Variants in ADH1A observed in about 807,000 individuals in gnomAD.
The protein encoded by ADH1A is alcohol dehydrogenase 1A.
In ADH1A, 29 loss-of-function variants were observed where a neutral mutation model predicts 35.2. The observed-to-expected ratio is 0.82, with a 90% CI of 0.61 to 1.12. The LOEUF is 1.12. ADH1A is among the 50% of genes most tolerant of loss of function. ADH1A has a pLI of 0.00. For synonymous variants in ADH1A, 147 were observed against 164.8 expected (o/e 0.89, Z 0.83); for missense variants, 469 against 464.7 (o/e 1.01, Z -0.09).
At chr4:99,283,473 T>A (rs868229904) in intron 5 of ADH1A, among the ~76,000 whole-genome samples, 1 of 151,582 alleles carries the variant, frequency 6.6e-6, no homozygotes, top group Non-Finnish European at 1.5e-5. Context: ...TAAGGGTGTC[T>A]ATTCATTCAT....
chr4:99,282,514 G>A lies in ADH1A; in HGVS notation c.660C>T (p.Ile220=). The change falls in exon 6 of 9, where the codon ATC becomes ATT. Residue 220 remains isoleucine (I), a synonymous_variant. Coordinates refer to ENST00000209668, the MANE Select transcript of ADH1A (RefSeq NM_000667.4). The part of the protein sequence containing the change: ...MGCKAAGAAR[I]IAVDINKDKF... The stretch of plus-strand genomic sequence containing the variant: ...TGTCCTTGTTGATGTCCACCGCAAT[G>A]ATTCTGGCTGCCCCAGCTGCTTTAC... 3.1e-6 allele frequency: 5 copies of A among 1,614,176 alleles called. No individual in the cohort carries two copies. Among genetic ancestry groups the A allele is most frequent in the Non-Finnish European group, 4.2e-6 (5 of 1,180,046 alleles).
At chr4:99,277,308 C>T (rs887054380) in intron 8 of ADH1A, among the ~76,000 whole-genome samples, 5 of 151,870 alleles carry the variant, frequency 3.3e-5, no homozygotes, top group East Asian at 3.9e-4. Context: ...AGAATAAAGT[C>T]GATTTGTATT....
intron 1 of ADH1A, 121 bp downstream of exon 1, chr4:99,290,776 A>G: frequency 9.5e-7 from 1 of 1,051,202 alleles, no homozygotes; most frequent in Non-Finnish European, 1.5e-6. Context: ...ATTGCATATC[A>G]TATTTCAGTG....
rs116276567 is a variant in ADH1A at position 99,284,484 on chromosome 4, A to G, written c.482T>C (p.Ile161Thr). ...TVVDENAVAK[I>T]DAASPLEKVC... Reference sequence around the variant, plus strand: ...TTTCTCTAGAGGCGAGGCTGCATCAATTTTGGCTACTGCATTTTCATCCAC... The same window carrying G: ...TTTCTCTAGAGGCGAGGCTGCATCAGTTTTGGCTACTGCATTTTCATCCAC... The change falls in exon 5 of 9, where the codon ATT becomes ACT. Residue 161 changes from isoleucine (I) to threonine (T), a missense_variant. Physicochemically the swap from Ile to Thr is moderately conservative, Grantham distance 89. Transcript: ENST00000209668. 137 of 1,614,230 alleles carry G rather than the reference A, an allele frequency of 8.5e-5. No homozygotes were observed. Among genetic ancestry groups the G allele is most frequent in the African/African-American group, 5.2e-4 (39 of 75,062 alleles).
intron 1 of ADH1A, among the ~76,000 whole-genome samples, chr4:99,288,965 C>T (rs1457397583): frequency 6.6e-6 from 1 of 152,098 alleles, no homozygotes; most frequent in Admixed American, 6.6e-5. Flanking sequence ...TCCCTCACCT[C>T]CCCTTTCAAC....
chr4:99,285,658 G>T (rs28364305), intron 3 of ADH1A, among the ~76,000 whole-genome samples: 41,911 of 151,956 alleles, frequency 0.28, 7,128 homozygotes, highest in Non-Finnish European at 0.39. Context: ...ATTAGTAGGA[G>T]CTGAAACCCA....
At chr4:99,287,536 T>G in intron 2 of ADH1A, 28 bp downstream of exon 2, 3 of 1,594,256 alleles carry the variant, frequency 1.9e-6, no homozygotes, top group Non-Finnish European at 2.6e-6. Context: ...TTTTAAAACT[T>G]AAATACAAAT....
intron 1 of ADH1A, 26 bp from the exon 2 acceptor site, chr4:99,287,691 A>C: frequency 6.2e-7 from 1 of 1,611,746 alleles, no homozygotes; most frequent in Non-Finnish European, 8.5e-7. Flanking sequence ...GAGAGATGGC[A>C]CCAGTGTTCT....
At chr4:99,278,806 G>C (rs1453156819) in intron 8 of ADH1A, among the ~76,000 whole-genome samples, 1 of 152,056 alleles carries the variant, frequency 6.6e-6, no homozygotes, top group Non-Finnish European at 1.5e-5. Context: ...ACAGGAAATA[G>C]AATTGGCTTA....
chr4:99,283,965 A>T (rs560542598), intron 5 of ADH1A, among the ~76,000 whole-genome samples: 1 of 152,260 alleles, frequency 6.6e-6, no homozygotes, highest in African/African-American at 2.4e-5. Flanking sequence ...ACTGTTGTTG[A>T]TCCTAATTCT....
chr4:99,284,845 G>A, intron 3 of ADH1A, 42 bp from the exon 4 acceptor site: 1 of 1,544,742 alleles, frequency 6.5e-7, no homozygotes, highest in Admixed American at 1.7e-5. Context: ...TTTCTATCCA[G>A]GTATTAATAG....
intron 3 of ADH1A, among the ~76,000 whole-genome samples, chr4:99,285,945 C>G (rs1733140701): frequency 6.9e-6 from 1 of 145,724 alleles, no homozygotes; most frequent in Non-Finnish European, 1.5e-5. Context: ...TGGCGTGAAC[C>G]CGGGAGGTGG....
chr4:99,288,336 G>GGT (rs70955994), intron 1 of ADH1A, among the ~76,000 whole-genome samples: 46,771 of 149,660 alleles, frequency 0.31, 8,612 homozygotes, highest in Non-Finnish European at 0.43. Context: ...GTTAGAGTTG[G>GGT]GTGTGTGTGT....
chr4:99,281,257 T>C (rs1229977), intron 6 of ADH1A: 124,151 of 152,098 alleles, frequency 0.82, 51,013 homozygotes, highest in East Asian at 0.91. Flanking sequence ...TAGAAAATCT[T>C]GGCAATGGAA....
intron 8 of ADH1A, among the ~76,000 whole-genome samples, chr4:99,278,042 A>G (rs1732910709): frequency 6.6e-6 from 1 of 152,114 alleles, no homozygotes; most frequent in South Asian, 2.1e-4. Context: ...TCTTACCAAT[A>G]TTGAGTGTTA....
chr4:99,289,137 A>ATTATT (rs1733229344), intron 1 of ADH1A, among the ~76,000 whole-genome samples: 2 of 152,162 alleles, frequency 1.3e-5, no homozygotes, highest in South Asian at 2.1e-4. Context: ...TGCAAAGGCC[A>ATTATT]TTATTTTATT....
intron 1 of ADH1A, chr4:99,288,733 T>TAAAG (rs1224166528): frequency 6.6e-6 from 1 of 152,146 alleles, no homozygotes; most frequent in Non-Finnish European, 1.5e-5. Context: ...ATAGTAGGAG[T>TAAAG]TCCTGATTAT....
At chr4:99,288,501 A>G (rs1733212660) in intron 1 of ADH1A, among the ~76,000 whole-genome samples, 1 of 152,252 alleles carries the variant, frequency 6.6e-6, no homozygotes, top group African/African-American at 2.4e-5. Context: ...AGTGCTTGGC[A>G]GTGAACTGTA....
intron 8 of ADH1A, 121 bp downstream of exon 8, chr4:99,279,305 A>T: frequency 7.8e-7 from 1 of 1,283,074 alleles, no homozygotes; most frequent in Non-Finnish European, 1.0e-6. Flanking sequence ...TAAAGACTGA[A>T]CTGGTAATGG....
Sources: gnomAD v4.1 joint callset for allele counts (sites outside exome capture counted in the v4.1 genomes callset) on GRCh38, gnomAD v4.1.1 for gene constraint, MANE v1.5 for transcripts, NCBI Gene and HGNC (gene_info 2026-07-23, HGNC 2026-07-21) for gene names.